The following ZNF423 variants were observed in gnomAD, a reference collection of about 807,000 sequenced individuals.
The protein encoded by ZNF423 is zinc finger protein 423, also known as Ebf-associated zinc finger protein.
Under a neutral mutation model 95.8 loss-of-function variants are expected in ZNF423, and 12 were observed. The observed-to-expected ratio is 0.13, with a 90% CI of 0.08 to 0.20. The LOEUF (loss-of-function observed/expected upper bound fraction) is 0.20, where lower values mean the gene tolerates loss of function less well. ZNF423 is among the 10% of genes least tolerant of loss of function. The pLI, the probability that ZNF423 is intolerant of heterozygous loss-of-function variation, is 1.00. For synonymous variants in ZNF423, 749 were observed against 711.9 expected (o/e 1.05, Z -0.83); for missense variants, 1,316 against 1,737.1 (o/e 0.76, Z 4.31).
intron 1 of ZNF423, among the ~76,000 whole-genome samples, chr16:49,796,824 G>A (rs2034506117): frequency 6.6e-6 from 1 of 152,156 alleles, no homozygotes; most frequent in Admixed American, 6.5e-5. Context: ...AGGCACAAAA[G>A]GGCACTGTTC....
intron 1 of ZNF423, among the ~76,000 whole-genome samples, chr16:49,834,292 A>G (rs2035093169): frequency 6.6e-6 from 1 of 151,376 alleles, no homozygotes; most frequent in East Asian, 1.9e-4. Context: ...GCATGAACAC[A>G]GTGCTGTGAC....
intron 2 of ZNF423, among the ~76,000 whole-genome samples, chr16:49,756,980 C>T (rs1390065730): frequency 6.6e-6 from 1 of 152,182 alleles, no homozygotes; most frequent in Non-Finnish European, 1.5e-5. Flanking sequence ...GACAGAAACC[C>T]CACCTAACTA....
At chr16:49,618,417 C>T (rs1032508746) in intron 5 of ZNF423, among the ~76,000 whole-genome samples, 2 of 152,156 alleles carry the variant, frequency 1.3e-5, no homozygotes, top group African/African-American at 2.4e-5. Flanking sequence ...GTAATCCCCA[C>T]GTGTCGAGAG....
intron 5 of ZNF423, among the ~76,000 whole-genome samples, chr16:49,554,387 A>T (rs143072573): frequency 1.8e-4 from 28 of 152,260 alleles, no homozygotes; most frequent in African/African-American, 6.5e-4. Context: ...CTTGGTGACC[A>T]CACCTTGACC....
chr16:49,644,675 A>C (rs539447570), intron 3 of ZNF423, among the ~76,000 whole-genome samples: 4,758 of 138,438 alleles, frequency 0.034, 210 homozygotes, highest in African/African-American at 0.054. Context: ...AAAAAAAAAA[A>C]AAAAAAAAAA....
chr16:49,632,950 C>T (rs914454246), intron 4 of ZNF423, among the ~76,000 whole-genome samples: 5 of 152,184 alleles, frequency 3.3e-5, no homozygotes, highest in African/African-American at 7.2e-5. Context: ...CCAGGAGAAG[C>T]GGGCACAGTG....
At chr16:49,607,588 G>T (rs1223405493) in intron 5 of ZNF423, among the ~76,000 whole-genome samples, 1 of 152,150 alleles carries the variant, frequency 6.6e-6, no homozygotes, top group Non-Finnish European at 1.5e-5. Context: ...AAAGTGAAAG[G>T]GCTGGATAAT....
intron 1 of ZNF423, chr16:49,854,286 T>A: frequency 1.0e-6 from 1 of 985,386 alleles, no homozygotes; most frequent in Non-Finnish European, 1.2e-6. Flanking sequence ...TGGACTCAGT[T>A]GGTCTCCTTC....
chr16:49,566,719 T>C (rs1228554851), intron 5 of ZNF423, among the ~76,000 whole-genome samples: 2 of 152,250 alleles, frequency 1.3e-5, no homozygotes, highest in Non-Finnish European at 2.9e-5. Context: ...AAATGATTAC[T>C]GTGCTGATGC....
chr16:49,838,799 C>G (rs1567366926), intron 1 of ZNF423, among the ~76,000 whole-genome samples: 1 of 151,952 alleles, frequency 6.6e-6, no homozygotes, highest in East Asian at 1.9e-4. Context: ...GCCGGCCCCC[C>G]GCCGCGGCCG....
intron 2 of ZNF423, among the ~76,000 whole-genome samples, chr16:49,768,247 G>A (rs976368173): frequency 1.3e-5 from 2 of 152,202 alleles, no homozygotes; most frequent in Non-Finnish European, 2.9e-5. Flanking sequence ...GAACGGGGGC[G>A]CGGCGCGGAC....
At chr16:49,616,152 G>A (rs1286611531) in intron 5 of ZNF423, among the ~76,000 whole-genome samples, 2 of 152,164 alleles carry the variant, frequency 1.3e-5, no homozygotes, top group Non-Finnish European at 2.9e-5. Context: ...CTGGCACACA[G>A]TAGGTATTCA....
intron 2 of ZNF423, among the ~76,000 whole-genome samples, chr16:49,736,766 G>A (rs917437043): frequency 6.6e-5 from 10 of 152,216 alleles, no homozygotes; most frequent in Middle Eastern, 3.2e-3. Context: ...CTGCACTCCA[G>A]CCTGGATAAC....
At position 49,498,774 on chromosome 16, in the gene ZNF423, C is replaced by T. The variant is rs1001675511; in HGVS notation, c.3850-7470G>A. Among the ~76,000 whole-genome samples the T allele has an allele frequency of 2.0e-5, 3 of 152,132 alleles. No homozygotes were observed. The East Asian group carries it at 5.8e-4, about 29-fold the overall frequency. Reference sequence around the variant, plus strand: ...CTGCTGTGTATCACCTGGGCAGCCCCTCTCTGCTTGTGAGCACTTATTTTT... The same window carrying T: ...CTGCTGTGTATCACCTGGGCAGCCCTTCTCTGCTTGTGAGCACTTATTTTT... On this transcript the variant is annotated intron_variant, in intron 7 of 7. Transcript: ENST00000563137.
At chr16:49,632,960 G>GCCCCTC in intron 4 of ZNF423, among the ~76,000 whole-genome samples, 1 of 152,302 alleles carries the variant, frequency 6.6e-6, no homozygotes, top group Non-Finnish European at 1.5e-5. Context: ...CGGGCACAGT[G>GCCCCTC]ACCCAGCCCA....
chr16:49,556,695 T>C (rs1969837681), intron 5 of ZNF423, among the ~76,000 whole-genome samples: 1 of 152,222 alleles, frequency 6.6e-6, no homozygotes, highest in South Asian at 2.1e-4. Context: ...GAGAGCACAG[T>C]GTCTTGAAGC....
intron 7 of ZNF423, among the ~76,000 whole-genome samples, chr16:49,506,405 G>C (rs999472629): frequency 6.6e-6 from 1 of 152,088 alleles, no homozygotes; most frequent in Non-Finnish European, 1.5e-5. Flanking sequence ...GTGAGTGGGT[G>C]GATGGGTGGA....
At chr16:49,620,594 G>A (rs540119704) in intron 5 of ZNF423, among the ~76,000 whole-genome samples, 1 of 152,288 alleles carries the variant, frequency 6.6e-6, no homozygotes, top group East Asian at 1.9e-4. Flanking sequence ...GACAGCAAGG[G>A]CAAGCGTTCC....
chr16:49,812,619 G>A (rs2034771783), intron 1 of ZNF423, among the ~76,000 whole-genome samples: 1 of 152,214 alleles, frequency 6.6e-6, no homozygotes, highest in African/African-American at 2.4e-5. Context: ...GTTCTAGGTT[G>A]TAGTGAGCTG....
Sources: allele counts gnomAD v4.1 joint callset (sites outside exome capture counted in the v4.1 genomes callset), GRCh38; gene constraint gnomAD v4.1.1; transcripts MANE v1.5; gene names NCBI Gene and HGNC (gene_info 2026-07-23, HGNC 2026-07-21).